Variants in RABGAP1L observed in about 807,000 individuals in gnomAD.
The protein encoded by RABGAP1L is rab GTPase-activating protein 1-like.
RABGAP1L carries 63 observed loss-of-function variants against 137.7 expected under a neutral mutation model. The observed-to-expected ratio is 0.46, with a 90% CI of 0.37 to 0.56. The LOEUF (loss-of-function observed/expected upper bound fraction) is 0.56, where lower values mean the gene tolerates loss of function less well. Among genes scored for constraint, RABGAP1L ranks in the 20% least tolerant of loss-of-function variants. The pLI, the probability that RABGAP1L is intolerant of heterozygous loss-of-function variation, is 0.00. For synonymous variants in RABGAP1L, 431 were observed against 433.7 expected, an observed-to-expected ratio of 0.99 and a Z score of 0.08; for missense variants, 1,095 against 1,244.0, an observed-to-expected ratio of 0.88 and a Z score of 1.80.
At chr1:174,442,472 G>A (rs1175867574) in intron 13 of RABGAP1L, among the ~76,000 whole-genome samples, 1 of 152,114 alleles carries the variant, frequency 6.6e-6, no homozygotes, top group Admixed American at 6.5e-5. Context: ...AACCTCCAAA[G>A]ATTTTGGCAG....
At chr1:174,222,391 G>A (rs1392035500) in intron 3 of RABGAP1L, among the ~76,000 whole-genome samples, 1 of 152,158 alleles carries the variant, frequency 6.6e-6, no homozygotes, top group African/African-American at 2.4e-5. Context: ...ATAGGGCTGT[G>A]ATGCATTTAT....
intron 17 of RABGAP1L, among the ~76,000 whole-genome samples, chr1:174,719,581 GATTT>G (rs1681317506): frequency 6.6e-6 from 1 of 152,174 alleles, no homozygotes; most frequent in African/African-American, 2.4e-5. Flanking sequence ...GCTACTTAAA[GATTT>G]ATTTAGGTCA....
intron 15 of RABGAP1L, among the ~76,000 whole-genome samples, chr1:174,688,371 C>T (rs1678631821): frequency 6.6e-6 from 1 of 151,938 alleles, no homozygotes; most frequent in South Asian, 2.1e-4. Flanking sequence ...GGTTAAATTA[C>T]TGTATGTATA....
Position 174,663,379 on chromosome 1 carries a change from A to G in RABGAP1L, c.1825-20143A>G, listed in dbSNP as rs181183786. Among the ~76,000 whole-genome samples the G allele has an allele frequency of 1.9e-3, 292 of 152,318 alleles. 2 individuals are homozygous for G. The highest frequency in any genetic ancestry group is 6.8e-3 in the African/African-American group (281 of 41,560). On this transcript the variant is annotated intron_variant, in intron 14 of 25. Transcript: ENST00000681986. ...AAGAATTGCCTACTATTCAGTCCAT[A>G]AGACTAAATAGTATATACTGTAACA...
chr1:174,439,507 T>A (rs1487204826), intron 13 of RABGAP1L, among the ~76,000 whole-genome samples: 1 of 152,206 alleles, frequency 6.6e-6, no homozygotes, highest in Non-Finnish European at 1.5e-5. Flanking sequence ...TTTTAGATGA[T>A]AAGTAATTAA....
rs559278631 is a variant in RABGAP1L at position 174,913,797 on chromosome 1, GT to G, written c.2341-43658del. 5.3e-5 allele frequency among the ~76,000 whole-genome samples: 8 copies of G among 152,298 alleles called. No homozygotes were observed. In the South Asian group the frequency reaches 1.7e-3, roughly 32 times the overall value. On this transcript the variant is annotated intron_variant, in intron 19 of 25. Transcript: ENST00000681986. Reference sequence around the variant, plus strand: ...AGAACAGATTTTTACTTAGTGCTGTGTTAATGCCAGTGTTTGTATGCAATAA... The same window carrying G: ...AGAACAGATTTTTACTTAGTGCTGTGTAATGCCAGTGTTTGTATGCAATAA...
In RABGAP1L at chr1:174,448,865, T is replaced by G. The variant is rs764093769; in HGVS notation, c.1710+54720T>G. ...ATTCCCTAGTCATGAGGTAGATTCT[T>G]CCAGAGAGACTGGACACAGCCCTGA... On this transcript the variant is annotated intron_variant, in intron 13 of 25. Coordinates refer to ENST00000681986, the MANE Select transcript of RABGAP1L (RefSeq NM_001366446.1). The surrounding 1 kb of genome is among the most constrained non-coding windows in gnomAD (Gnocchi z 4.2). 213 of 1,613,922 alleles carry G rather than the reference T, an allele frequency of 1.3e-4. 2 individuals are homozygous for G. In the South Asian group the frequency reaches 1.5e-3, roughly 11 times the overall value.
intron 19 of RABGAP1L, among the ~76,000 whole-genome samples, chr1:174,946,139 ATATCT>A (rs1248677081): frequency 6.6e-6 from 1 of 151,354 alleles, no homozygotes. Flanking sequence ...AATGTGGCAG[ATATCT>A]TAGGTTCATT....
intron 1 of RABGAP1L, among the ~76,000 whole-genome samples, chr1:174,172,436 C>T (rs919839721): frequency 2.0e-5 from 3 of 152,084 alleles, no homozygotes; most frequent in South Asian, 2.1e-4. Context: ...TACCATTTTC[C>T]GTAATGTCTG....
chr1:174,666,058 A>T (rs1265263914), intron 14 of RABGAP1L, among the ~76,000 whole-genome samples: 1 of 152,174 alleles, frequency 6.6e-6, no homozygotes, highest in Non-Finnish European at 1.5e-5. Flanking sequence ...TATTCAGCTA[A>T]TTGTGGGACT....
intron 19 of RABGAP1L, among the ~76,000 whole-genome samples, chr1:174,842,080 T>TA (rs1279879516): frequency 2.0e-5 from 3 of 152,216 alleles, no homozygotes; most frequent in Non-Finnish European, 4.4e-5. Context: ...TCAAAAGAAT[T>TA]ATTATGTTAA....
At chr1:174,340,810 A>G (rs947297966) in intron 11 of RABGAP1L, among the ~76,000 whole-genome samples, 1 of 152,224 alleles carries the variant, frequency 6.6e-6, no homozygotes, top group African/African-American at 2.4e-5. Flanking sequence ...GCTGAGTCAC[A>G]TGGTATTTCT....
chr1:174,753,562 C>T (rs751542589), intron 18 of RABGAP1L, among the ~76,000 whole-genome samples: 1 of 151,890 alleles, frequency 6.6e-6, no homozygotes, highest in Non-Finnish European at 1.5e-5. Context: ...TTTTTTATGC[C>T]AAAGCTATTT....
At chr1:174,504,411 AG>A (rs1389028066) in intron 13 of RABGAP1L, among the ~76,000 whole-genome samples, 5 of 142,648 alleles carry the variant, frequency 3.5e-5, no homozygotes, top group African/African-American at 6.1e-5. Flanking sequence ...AGCAAACTTG[AG>A]GGAAAAAAAA....
intron 13 of RABGAP1L, among the ~76,000 whole-genome samples, chr1:174,601,484 C>A (rs536763908): frequency 5.2e-4 from 79 of 151,708 alleles, no homozygotes; most frequent in Non-Finnish European, 9.6e-4. Context: ...CATCACACCC[C>A]GGGGCCTGTC....
intron 18 of RABGAP1L, among the ~76,000 whole-genome samples, chr1:174,804,978 T>C (rs940717659): frequency 6.6e-6 from 1 of 152,194 alleles, no homozygotes; most frequent in South Asian, 2.1e-4. Flanking sequence ...TTACAACTTA[T>C]AACAGAAGTT....
intron 18 of RABGAP1L, among the ~76,000 whole-genome samples, chr1:174,772,651 T>C (rs1440959699): frequency 6.6e-6 from 1 of 151,992 alleles, no homozygotes; most frequent in Non-Finnish European, 1.5e-5. Flanking sequence ...ATTGACATTG[T>C]TGTGCAACTA....
intron 13 of RABGAP1L, among the ~76,000 whole-genome samples, chr1:174,622,384 G>A (rs1341080152): frequency 4.6e-5 from 7 of 152,080 alleles, no homozygotes; most frequent in Non-Finnish European, 1.0e-4. Context: ...AAATCATGAT[G>A]GTGTAAAGAC....
intron 13 of RABGAP1L, among the ~76,000 whole-genome samples, chr1:174,484,063 G>T (rs1377954824): frequency 3.3e-5 from 5 of 152,126 alleles, no homozygotes; most frequent in Admixed American, 6.6e-5. Flanking sequence ...ATCCTCGCCA[G>T]CATCTGTTAT....
Sources: gnomAD v4.1 joint callset for allele counts (sites outside exome capture counted in the v4.1 genomes callset) on GRCh38, gnomAD v4.1.1 for gene constraint, Gnocchi (gnomAD v3.1) non-coding constraint, MANE v1.5 for transcripts, NCBI Gene and HGNC (gene_info 2026-07-23, HGNC 2026-07-21) for gene names.